LSS: variants seen among roughly 807,000 people sequenced by gnomAD.
LSS encodes the protein 2,3-epoxysqualene-lanosterol cyclase.
LSS carries 90 observed loss-of-function variants against 110.3 expected under a neutral mutation model. The observed-to-expected ratio is 0.82, with a 90% CI of 0.69 to 0.97. LSS has a LOEUF of 0.97. Among genes scored for constraint, LSS ranks in the 50% least tolerant of loss-of-function variants. The pLI, the probability that LSS is intolerant of heterozygous loss-of-function variation, is 0.00. For synonymous variants in LSS, 433 were observed against 400.0 expected, an observed-to-expected ratio of 1.08 and a Z score of -0.98; for missense variants, 927 against 990.0, an observed-to-expected ratio of 0.94 and a Z score of 0.85.
chr21:46,209,071 G>C lies in LSS; in HGVS notation c.1266+483C>G, dbSNP rs945584495. On this transcript the variant is annotated intron_variant, in intron 13 of 21. Coordinates refer to ENST00000397728, the MANE Select transcript of LSS (RefSeq NM_002340.6). This position sits in a 1 kb window ranked among gnomAD's most constrained non-coding sequence, Gnocchi z 4.4. ...TGCAGACTGGGGTGCAGGCACGTGTGAGAGACACTGAGGTCAAACTATGGG... is the reference window on the plus strand; with the variant it reads ...TGCAGACTGGGGTGCAGGCACGTGTCAGAGACACTGAGGTCAAACTATGGG... Among the ~76,000 whole-genome samples the C allele has an allele frequency of 3.9e-5, 6 of 152,184 alleles. No individual in the cohort carries two copies. The highest frequency in any genetic ancestry group is 7.3e-5 in the Non-Finnish European group (5 of 68,028).
In LSS at chr21:46,207,359, T is replaced by C; in HGVS notation, c.1467+69A>G. 10 of 1,562,938 alleles carry C rather than the reference T, an allele frequency of 6.4e-6. No individual in the cohort carries two copies. In the South Asian group the frequency reaches 1.2e-4, roughly 18 times the overall value. ...TGTGCTGGGCTGGAGCCCACAGGAG[T>C]GGAAGTGAGCACGCAGCTCATCTGC... On this transcript the variant is annotated intron_variant, in intron 15 of 21. Transcript: ENST00000397728.
chr21:46,222,709 T>C lies in LSS; in HGVS notation c.349A>G (p.Ile117Val), dbSNP rs780180047. The C allele has an allele frequency of 6.2e-7, 1 of 1,613,832 alleles. No homozygotes were observed. Among genetic ancestry groups the C allele is most frequent in the Admixed American group, 1.7e-5 (1 of 60,030 alleles). ...TCTCTGTATCCGGCTGGCAGAGGGA[T>C]GCGTGCCACGTGGCAAGTGATCAGG... ...GLLITCHVAR[I>V]PLPAGYREEI... Residue 117 changes from isoleucine (I) to valine (V), a missense_variant, in exon 4 of 22, where the codon ATC becomes GTC. Physicochemically the swap from Ile to Val is conservative, Grantham distance 29 (BLOSUM62 3). Coordinates refer to ENST00000397728, the MANE Select transcript of LSS (RefSeq NM_002340.6).
Position 46,228,506 on chromosome 21 carries a change from C to G in LSS, c.108G>C (p.Trp36Cys), listed in dbSNP as rs1005899428. Residue 36 changes from tryptophan (W) to cysteine (C), a missense_variant, in exon 2 of 22, where the codon TGG becomes TGC. By Grantham distance (215) the Trp-to-Cys change is radical. Coordinates refer to ENST00000397728, the MANE Select transcript of LSS (RefSeq NM_002340.6). ...CGGCGCGCTCGTCCTGCAGGTAGGT[C>G]CACGTCTGCCGGCCCCTCTCGCAGT... is the stretch of plus-strand genomic sequence containing the variant. ...RLNCERGRQT[W>C]TYLQDERAGR... is the part of the protein sequence containing the mutation. 6.2e-7 allele frequency: 1 copy of G among 1,602,304 alleles called. No individual in the cohort carries two copies.
intron 17 of LSS, among the ~76,000 whole-genome samples, chr21:46,205,403 G>A (rs973420659): frequency 5.3e-5 from 8 of 152,160 alleles, no homozygotes; most frequent in Admixed American, 3.3e-4. Context: ...GCATGTGGGC[G>A]GCCCCGTCAT....
At chr21:46,217,269 G>T (rs901877108) in intron 6 of LSS, among the ~76,000 whole-genome samples, 2 of 136,932 alleles carry the variant, frequency 1.5e-5, no homozygotes, top group Non-Finnish European at 3.2e-5. Context: ...AAAAGAAAAA[G>T]AAAGAAAAAA....
intron 2 of LSS, 114 bp downstream of exon 2, chr21:46,228,320 G>T: frequency 7.9e-7 from 1 of 1,267,224 alleles, no homozygotes; most frequent in Non-Finnish European, 1.1e-6. Context: ...GCTCGCCTTG[G>T]GGATGGGCGT....
rs538130640 is a variant in LSS at position 46,191,925 on chromosome 21, G to A, written c.2023C>T (p.Arg675Trp). The A allele has an allele frequency of 5.8e-5, 93 of 1,613,746 alleles. 2 individuals are homozygous for A. The Middle Eastern group carries it at 8.2e-4, about 14-fold the overall frequency. Residue 675 changes from arginine to tryptophan, a missense_variant, in exon 21 of 22, where the codon CGG becomes TGG. Physicochemically the swap from Arg to Trp is moderately radical, Grantham distance 101 (BLOSUM62 -3). Transcript: ENST00000397728. Reference sequence around the variant, plus strand: ...GGGAGCTGTTTCTCAAGTAGACACCGGACTCCTCTCTCCTGGGCCTCGATG... The same window carrying A: ...GGGAGCTGTTTCTCAAGTAGACACCAGACTCCTCTCTCCTGGGCCTCGATG... ...PDIEAQERGV[R>W]CLLEKQLPNG...
chr21:46,199,049 C>A (rs767013316), intron 17 of LSS, among the ~76,000 whole-genome samples: 1 of 152,066 alleles, frequency 6.6e-6, no homozygotes, highest in Non-Finnish European at 1.5e-5. Context: ...GCTGGACTTC[C>A]TTGAAATGAA....
chr21:46,228,695 C>A (rs370233201), intron 1 of LSS, 37 bp downstream of exon 1: 29 of 1,602,492 alleles, frequency 1.8e-5, no homozygotes, highest in Middle Eastern at 1.6e-4. Context: ...CTAGGACCAC[C>A]CCGCATTCGT....
Position 46,222,737 on chromosome 21 carries a change from G to T in LSS, c.321C>A (p.Gly107=). The T allele has an allele frequency of 6.2e-7, 1 of 1,612,394 alleles. No individual in the cohort carries two copies. The highest frequency in any genetic ancestry group is 8.5e-7 in the Non-Finnish European group (1 of 1,179,006). ...GTGCCACGTGGCAAGTGATCAGGAG[G>T]CCTGTGTGGCAGGAGAGATGTTCCT... ...DYGGPLFLLP[G]LLITCHVARI... Residue 107 remains glycine (G), a splice_region_variant and synonymous_variant, in exon 4 of 22, where the codon GGC becomes GGA. Transcript: ENST00000397728.
rs764490558 is a variant in LSS at position 46,227,637 on chromosome 21, C to T, written c.234G>A (p.Leu78=). ...GCCCCACGTAAAATGTCATCCCGTTCAGAGCCCCCTCAAAGGCGGTGTGGG... is the reference window on the plus strand; with the variant it reads ...GCCCCACGTAAAATGTCATCCCGTTTAGAGCCCCCTCAAAGGCGGTGTGGG... ...PKAHTAFEGA[L]NGMTFYVGLQ... is the part of the protein sequence containing the mutation. Residue 78 remains leucine (L), a synonymous_variant, in exon 3 of 22, where the codon CTG becomes CTA. Coordinates refer to ENST00000397728, the MANE Select transcript of LSS (RefSeq NM_002340.6). 2 of 1,613,722 alleles carry T rather than the reference C, an allele frequency of 1.2e-6. No individual in the cohort carries two copies. Among genetic ancestry groups the T allele is most frequent in the Non-Finnish European group, 1.7e-6 (2 of 1,179,986 alleles).
At position 46,215,032 on chromosome 21, in the gene LSS, A is replaced by C. The variant is rs562933344; in HGVS notation, c.1011+148T>G. The C allele has an allele frequency of 1.3e-5, 9 of 695,980 alleles. No homozygotes were observed. In the South Asian group the frequency reaches 1.3e-4, roughly 10 times the overall value. The allele number at this position is 695,980 out of a possible 1,614,324, so 43.1% of individuals were successfully genotyped here. On this transcript the variant is annotated intron_variant, in intron 9 of 21. Transcript: ENST00000397728. ...GGGTCCAGGACAGAAGCCCTCAGAC[A>C]CTTGTGCGATCAGAGGGCCACCTCC...
At chr21:46,202,846 C>T (rs1418271703) in intron 17 of LSS, among the ~76,000 whole-genome samples, 1 of 152,216 alleles carries the variant, frequency 6.6e-6, no homozygotes, top group East Asian at 1.9e-4. Flanking sequence ...TACTGCACTC[C>T]AGCCTAGGTA....
At chr21:46,227,842 G>A in intron 2 of LSS, 152 bp from the exon 3 acceptor site, 1 of 858,174 alleles carries the variant, frequency 1.2e-6, no homozygotes, top group Non-Finnish European at 1.8e-6. Flanking sequence ...GAAACTCTTT[G>A]ATGAGAGCAT....
In LSS at chr21:46,205,884, A is replaced by C; in HGVS notation, c.1622T>G (p.Leu541Arg). The C allele has an allele frequency of 1.2e-6, 2 of 1,611,500 alleles. No homozygotes were observed. The highest frequency in any genetic ancestry group is 8.5e-7 in the Non-Finnish European group (1 of 1,179,004). Residue 541 changes from leucine to arginine, a missense_variant, in exon 17 of 22, where the codon CTT becomes CGT. Coordinates refer to ENST00000397728, the MANE Select transcript of LSS (RefSeq NM_002340.6). ...CGGGAAACGCTTGTGGAAATACTTA[A>C]GCGCCTGCATCACGGCTGAGGTGCA... ...VECTSAVMQA[L>R]KYFHKRFPEH...
At chr21:46,199,781 G>C (rs998324143) in intron 17 of LSS, among the ~76,000 whole-genome samples, 1 of 152,214 alleles carries the variant, frequency 6.6e-6, no homozygotes, top group Non-Finnish European at 1.5e-5. Context: ...AAAAATATCA[G>C]TGTTTGCTAC....
At chr21:46,214,758 A>C (rs543211977) in intron 9 of LSS, among the ~76,000 whole-genome samples, 103 of 152,286 alleles carry the variant, frequency 6.8e-4, no homozygotes, top group African/African-American at 2.3e-3. Context: ...AGGAATCAGG[A>C]GTGGCACCTG....
intron 12 of LSS, 72 bp downstream of exon 12, chr21:46,210,616 C>T: frequency 6.8e-7 from 1 of 1,464,794 alleles, no homozygotes; most frequent in East Asian, 2.3e-5. Flanking sequence ...CAGTGCTGCC[C>T]TCAGGTGGAT....
chr21:46,206,872 G>A (rs1184504080), intron 15 of LSS, 104 bp from the exon 16 acceptor site: 4 of 824,962 alleles, frequency 4.8e-6, no homozygotes, highest in East Asian at 2.6e-5. Context: ...GCTGACAACC[G>A]ATGGGGCAGG....
Sources: allele counts gnomAD v4.1 joint callset (sites outside exome capture counted in the v4.1 genomes callset), GRCh38; gene constraint gnomAD v4.1.1; non-coding constraint Gnocchi (gnomAD v3.1); transcripts MANE v1.5; gene names NCBI Gene and HGNC (gene_info 2026-07-23, HGNC 2026-07-21).